The following KCNB2 variants were observed in gnomAD, a reference collection of about 807,000 sequenced individuals.
The protein encoded by KCNB2 is potassium voltage-gated channel subfamily B member 2.
Under a neutral mutation model 61.5 loss-of-function variants are expected in KCNB2, and 15 were observed. The ratio of observed to expected loss-of-function variants is 0.24; its 90% CI spans 0.16 to 0.38. The LOEUF is 0.38. Among genes scored for constraint, KCNB2 ranks in the 10% least tolerant of loss-of-function variants. The pLI, the probability that KCNB2 is intolerant of heterozygous loss-of-function variation, is 1.00. For missense variants in KCNB2, 828 were observed against 1,125.2 expected, an observed-to-expected ratio of 0.74 and a Z score of 3.78; for synonymous variants, 457 against 446.0, an observed-to-expected ratio of 1.02 and a Z score of -0.31.
At chr8:72,581,065 C>T (rs1166260398) in intron 2 of KCNB2, among the ~76,000 whole-genome samples, 1 of 152,186 alleles carries the variant, frequency 6.6e-6, no homozygotes, top group Non-Finnish European at 1.5e-5. Flanking sequence ...CCAACCATTC[C>T]TGAAGACAGG....
At chr8:72,617,597 CAA>C (rs10706658) in intron 2 of KCNB2, among the ~76,000 whole-genome samples, 64 of 136,106 alleles carry the variant, frequency 4.7e-4, no homozygotes, top group African/African-American at 4.9e-4. Context: ...CACAGAAGTG[CAA>C]AAAAAAAAAA....
intron 2 of KCNB2, among the ~76,000 whole-genome samples, chr8:72,640,304 T>C (rs1806034363): frequency 6.6e-6 from 1 of 152,110 alleles, no homozygotes; most frequent in Non-Finnish European, 1.5e-5. Context: ...GCTAAATATG[T>C]GCTTGTAAAA....
intron 2 of KCNB2, among the ~76,000 whole-genome samples, chr8:72,758,281 T>G (rs1808323668): frequency 6.6e-6 from 1 of 152,178 alleles, no homozygotes; most frequent in Non-Finnish European, 1.5e-5. Context: ...TGTAGTGGCA[T>G]TAGTCCTCAT....
intron 2 of KCNB2, among the ~76,000 whole-genome samples, chr8:72,860,239 T>C (rs1010573622): frequency 6.6e-6 from 1 of 151,970 alleles, no homozygotes; most frequent in African/African-American, 2.4e-5. Flanking sequence ...CTGTTTCACC[T>C]TTTGAGGAAC....
intron 2 of KCNB2, among the ~76,000 whole-genome samples, chr8:72,794,470 C>G (rs1808995532): frequency 6.8e-6 from 1 of 146,564 alleles, no homozygotes; most frequent in Non-Finnish European, 1.5e-5. Flanking sequence ...GAGGGTGAGG[C>G]AGGGGAATCG....
chr8:72,562,865 A>G (rs1290201412), intron 1 of KCNB2, among the ~76,000 whole-genome samples: 1 of 152,236 alleles, frequency 6.6e-6, no homozygotes, highest in Non-Finnish European at 1.5e-5. Context: ...TACGGAAATT[A>G]AAAACATAAA....
At chr8:72,832,089 A>C (rs1488624119) in intron 2 of KCNB2, among the ~76,000 whole-genome samples, 1 of 152,246 alleles carries the variant, frequency 6.6e-6, no homozygotes, top group Non-Finnish European at 1.5e-5. Context: ...AATTTGAATC[A>C]GAAGAACTAA....
intron 2 of KCNB2, among the ~76,000 whole-genome samples, chr8:72,630,917 A>G (rs1805868077): frequency 6.6e-6 from 1 of 152,184 alleles, no homozygotes; most frequent in African/African-American, 2.4e-5. Flanking sequence ...AAAGTGCAAT[A>G]GGCGCCCCTT....
At chr8:72,765,345 C>T (rs568476141) in intron 2 of KCNB2, among the ~76,000 whole-genome samples, 2 of 152,108 alleles carry the variant, frequency 1.3e-5, no homozygotes, top group Non-Finnish European at 2.9e-5. Flanking sequence ...TTAGTTTCAC[C>T]ACCACTATCT....
intron 2 of KCNB2, among the ~76,000 whole-genome samples, chr8:72,896,324 A>G (rs1382529336): frequency 6.6e-6 from 1 of 152,108 alleles, no homozygotes; most frequent in East Asian, 1.9e-4. Flanking sequence ...GTCCCTCTCT[A>G]AATTTTCTCC....
intron 2 of KCNB2, among the ~76,000 whole-genome samples, chr8:72,832,390 G>C (rs1314559026): frequency 6.6e-6 from 1 of 152,148 alleles, no homozygotes; most frequent in African/African-American, 2.4e-5. Context: ...GACTCTTGGG[G>C]AACAGTTTTA....
chr8:72,648,060 A>G (rs1806158251), intron 2 of KCNB2, among the ~76,000 whole-genome samples: 1 of 152,120 alleles, frequency 6.6e-6, no homozygotes, highest in Admixed American at 6.6e-5. Context: ...AACTTTTGCA[A>G]ACGAGAGCTC....
At chr8:72,882,554 A>AGAGAGAGG (rs1423782006) in intron 2 of KCNB2, among the ~76,000 whole-genome samples, 6 of 149,418 alleles carry the variant, frequency 4.0e-5, no homozygotes, top group African/African-American at 1.5e-4. Flanking sequence ...AGAGAGAGAG[A>AGAGAGAGG]GAATGTGTGT....
intron 2 of KCNB2, among the ~76,000 whole-genome samples, chr8:72,647,368 TA>T (rs71927599): frequency 0.028 from 4,249 of 151,182 alleles, 77 homozygotes; most frequent in South Asian, 0.074. Context: ...CTCTTTTATT[TA>T]AAAAAAAATA....
intron 2 of KCNB2, among the ~76,000 whole-genome samples, chr8:72,743,828 T>C (rs1289837849): frequency 6.6e-6 from 1 of 151,652 alleles, no homozygotes; most frequent in African/African-American, 2.4e-5. Context: ...TCAGATAAAA[T>C]CCTACTAAAA....
chr8:72,644,401 C>G (rs969288907), intron 2 of KCNB2, among the ~76,000 whole-genome samples: 2 of 152,080 alleles, frequency 1.3e-5, no homozygotes, highest in African/African-American at 4.8e-5. Context: ...CAGGCTGGGT[C>G]TTTACAATAA....
chr8:72,667,463 A>G (rs1051202547), intron 2 of KCNB2, among the ~76,000 whole-genome samples: 4 of 151,792 alleles, frequency 2.6e-5, no homozygotes, highest in Admixed American at 2.6e-4. Flanking sequence ...CTTTTTTTTT[A>G]TCCCACAAGC....
At chr8:72,716,266 T>G (rs1340514143) in intron 2 of KCNB2, among the ~76,000 whole-genome samples, 1 of 152,114 alleles carries the variant, frequency 6.6e-6, no homozygotes, top group East Asian at 1.9e-4. Flanking sequence ...CTTCTGAAAC[T>G]ATTCCAATCA....
intron 2 of KCNB2, among the ~76,000 whole-genome samples, chr8:72,682,025 T>C (rs905340387): frequency 6.6e-6 from 1 of 152,238 alleles, no homozygotes; most frequent in African/African-American, 2.4e-5. Flanking sequence ...GACATTTGAC[T>C]TCACAGACTG....
Sources: gnomAD v4.1 joint callset for allele counts (sites outside exome capture counted in the v4.1 genomes callset) on GRCh38, gnomAD v4.1.1 for gene constraint, MANE v1.5 for transcripts, NCBI Gene and HGNC (gene_info 2026-07-23, HGNC 2026-07-21) for gene names.